PCDHGA12: variants seen among roughly 807,000 people sequenced by gnomAD.
PCDHGA12 encodes the protein protocadherin gamma-A12.
PCDHGA12 carries 43 observed loss-of-function variants against 61.1 expected under a neutral mutation model. That is an observed-to-expected ratio of 0.70 (90% CI 0.55 to 0.91). The LOEUF (loss-of-function observed/expected upper bound fraction) is 0.91. Among genes scored for constraint, PCDHGA12 ranks in the 40% least tolerant of loss-of-function variants. The pLI is 0.00. For missense variants in PCDHGA12, 1,236 were observed against 1,227.7 expected (o/e 1.01, Z -0.10); for synonymous variants, 520 against 542.9 (o/e 0.96, Z 0.59).
chr5:141,505,509 G>A (rs778054090), intron 3 of PCDHGA12, 28 bp downstream of exon 3: 1 of 1,613,940 alleles, frequency 6.2e-7, no homozygotes, highest in Non-Finnish European at 8.5e-7. Context: ...GTGTATGGAA[G>A]AGTGGGAGAC....
At chr5:141,455,984 G>A (rs1405675950) in intron 1 of PCDHGA12, among the ~76,000 whole-genome samples, 2 of 151,492 alleles carry the variant, frequency 1.3e-5, no homozygotes, top group East Asian at 1.9e-4. Context: ...TGCAAGCTCC[G>A]CCTCTCGGGT....
intron 1 of PCDHGA12, among the ~76,000 whole-genome samples, chr5:141,436,749 C>T (rs2097844674): frequency 6.6e-6 from 1 of 152,154 alleles, no homozygotes; most frequent in Admixed American, 6.5e-5. Flanking sequence ...TGTGCTTCTC[C>T]ATATGGTATA....
chr5:141,491,666 G>T lies in PCDHGA12; in HGVS notation c.2425-3141G>T, dbSNP rs373526771. Reference sequence around the variant, plus strand: ...CTGGCGCTGGAGCCTGACGCCATCCGGTCCCGCTCTAATACGCTGCGGGAG... The same window carrying T: ...CTGGCGCTGGAGCCTGACGCCATCCTGTCCCGCTCTAATACGCTGCGGGAG... On this transcript the variant is annotated intron_variant, in intron 1 of 3. Transcript: ENST00000252085. This position sits in a 1 kb window ranked among gnomAD's most constrained non-coding sequence, Gnocchi z 6.9. 1.2e-6 allele frequency: 2 copies of T among 1,613,732 alleles called. No homozygotes were observed. Among genetic ancestry groups the T allele is most frequent in the Non-Finnish European group, 1.7e-6 (2 of 1,180,008 alleles).
chr5:141,492,942 G>A (rs897160295), intron 1 of PCDHGA12, among the ~76,000 whole-genome samples: 3 of 152,220 alleles, frequency 2.0e-5, no homozygotes, highest in African/African-American at 7.2e-5. Context: ...GAGATTTGGA[G>A]GTGACCAAAC....
At chr5:141,437,393 G>T (rs1034237295) in intron 1 of PCDHGA12, among the ~76,000 whole-genome samples, 3 of 152,180 alleles carry the variant, frequency 2.0e-5, no homozygotes, top group Admixed American at 6.5e-5. Flanking sequence ...TTCATCCACT[G>T]CTTTCATTCC....
chr5:141,487,616 G>T lies in PCDHGA12; in HGVS notation c.2425-7191G>T. The T allele has an allele frequency of 1.2e-6, 2 of 1,614,220 alleles. No homozygotes were observed. The highest frequency in any genetic ancestry group is 1.7e-6 in the Non-Finnish European group (2 of 1,180,044). ...CTCTGATCTTCTCTATGGGCTAGAGGTGAGACCTTTGCAGGCTCAACAAAT... is the reference window on the plus strand; with the variant it reads ...CTCTGATCTTCTCTATGGGCTAGAGTTGAGACCTTTGCAGGCTCAACAAAT... On this transcript the variant is annotated intron_variant, in intron 1 of 3. Coordinates refer to ENST00000252085, the MANE Select transcript of PCDHGA12 (RefSeq NM_003735.3). This position sits in a 1 kb window ranked among gnomAD's most constrained non-coding sequence, Gnocchi z 5.0.
intron 1 of PCDHGA12, among the ~76,000 whole-genome samples, chr5:141,445,784 G>A (rs2098477494): frequency 6.6e-6 from 1 of 152,168 alleles, no homozygotes; most frequent in Non-Finnish European, 1.5e-5. Flanking sequence ...GGGCTAGGGA[G>A]GCTAGAAACA....
chr5:141,475,739 T>C (rs190533989), intron 1 of PCDHGA12, among the ~76,000 whole-genome samples: 593 of 152,384 alleles, frequency 3.9e-3, no homozygotes, highest in Non-Finnish European at 6.7e-3. Flanking sequence ...TTCCCTAAGG[T>C]AGGTTTCCTA....
chr5:141,459,609 T>C (rs939880462), intron 1 of PCDHGA12, among the ~76,000 whole-genome samples: 1 of 152,230 alleles, frequency 6.6e-6, no homozygotes, highest in African/African-American at 2.4e-5. Context: ...AAGTATATGC[T>C]TAACTTTATA....
intron 1 of PCDHGA12, among the ~76,000 whole-genome samples, chr5:141,438,678 G>C (rs2098050264): frequency 7.1e-6 from 1 of 140,560 alleles, no homozygotes; most frequent in African/African-American, 2.6e-5. Context: ...ATTTGGAGTA[G>C]GGGATGGAGT....
intron 1 of PCDHGA12, among the ~76,000 whole-genome samples, chr5:141,482,385 A>T (rs1238551737): frequency 6.6e-6 from 1 of 152,210 alleles, no homozygotes; most frequent in Non-Finnish European, 1.5e-5. Context: ...AAGTCCCTGT[A>T]TGGAGCAAGT....
At chr5:141,474,398 C>A (rs1381347745) in intron 1 of PCDHGA12, among the ~76,000 whole-genome samples, 3 of 152,212 alleles carry the variant, frequency 2.0e-5, no homozygotes, top group Non-Finnish European at 4.4e-5. Context: ...TTCTAACAAG[C>A]TCCCCGGTGA....
chr5:141,447,430 A>G (rs960560239), intron 1 of PCDHGA12, among the ~76,000 whole-genome samples: 9 of 152,156 alleles, frequency 5.9e-5, no homozygotes, highest in African/African-American at 2.2e-4. Flanking sequence ...GAGCCACCGC[A>G]CCCGGAGGAA....
Position 141,477,545 on chromosome 5 carries a change from C to T in PCDHGA12, c.2425-17262C>T. The T allele has an allele frequency of 6.2e-7, 1 of 1,614,194 alleles. No individual in the cohort carries two copies. Among genetic ancestry groups the T allele is most frequent in the South Asian group, 1.1e-5 (1 of 91,086 alleles). On this transcript the variant is annotated intron_variant, in intron 1 of 3. Coordinates refer to ENST00000252085, the MANE Select transcript of PCDHGA12 (RefSeq NM_003735.3). The surrounding 1 kb of genome is among the most constrained non-coding windows in gnomAD (Gnocchi z 4.9). ...AAACAACCTCCCCGGGGCTCCAATA[C>T]TAAACCTAAGTGTCTGGGACCCCGA...
intron 3 of PCDHGA12, among the ~76,000 whole-genome samples, chr5:141,510,244 G>A (rs549784078): frequency 6.6e-6 from 1 of 151,116 alleles, no homozygotes; most frequent in African/African-American, 2.4e-5. Flanking sequence ...CTGCACTCCA[G>A]GCTGGGCGAC....
intron 2 of PCDHGA12, among the ~76,000 whole-genome samples, chr5:141,501,110 G>A (rs1373404247): frequency 2.6e-5 from 4 of 151,908 alleles, no homozygotes; most frequent in Admixed American, 6.6e-5. Flanking sequence ...CTCGTGATCC[G>A]CCTGCCTCAG....
chr5:141,443,781 CA>C (rs1227271563), intron 1 of PCDHGA12, among the ~76,000 whole-genome samples: 2 of 150,514 alleles, frequency 1.3e-5, no homozygotes, highest in African/African-American at 2.4e-5. Flanking sequence ...ACCAAAAAGA[CA>C]AAAAAAATGA....
intron 1 of PCDHGA12, among the ~76,000 whole-genome samples, chr5:141,461,711 C>A (rs897443905): frequency 1.3e-5 from 2 of 152,112 alleles, no homozygotes; most frequent in African/African-American, 2.4e-5. Flanking sequence ...ACTTTTTTTG[C>A]CCAGGCTGGA....
intron 2 of PCDHGA12, among the ~76,000 whole-genome samples, chr5:141,495,223 G>T (rs924599140): frequency 6.6e-6 from 1 of 152,208 alleles, no homozygotes; most frequent in South Asian, 2.1e-4. Flanking sequence ...CCTGAGTTGA[G>T]CTGGGCTCCA....
Sources: allele counts gnomAD v4.1 joint callset (sites outside exome capture counted in the v4.1 genomes callset), GRCh38; gene constraint gnomAD v4.1.1; non-coding constraint Gnocchi (gnomAD v3.1); transcripts MANE v1.5; gene names NCBI Gene and HGNC (gene_info 2026-07-23, HGNC 2026-07-21).